Variants in FER observed in about 807,000 individuals in gnomAD.
FER encodes tyrosine-protein kinase Fer.
In FER, 63 loss-of-function variants were observed where a neutral mutation model predicts 111.0. The observed-to-expected ratio is 0.57, with a 90% CI of 0.46 to 0.70. The LOEUF (loss-of-function observed/expected upper bound fraction) is 0.70. Among genes scored for constraint, FER ranks in the 30% least tolerant of loss-of-function variants. The pLI, the probability that FER is intolerant of heterozygous loss-of-function variation, is 0.00. For synonymous variants in FER, 327 were observed against 313.9 expected, an observed-to-expected ratio of 1.04 and a Z score of -0.44; for missense variants, 914 against 954.0, an observed-to-expected ratio of 0.96 and a Z score of 0.55.
At chr5:109,034,855 AT>A (rs1770146360) in intron 13 of FER, among the ~76,000 whole-genome samples, 1 of 152,144 alleles carries the variant, frequency 6.6e-6, no homozygotes, top group African/African-American at 2.4e-5. Context: ...GAAGAATAAC[AT>A]TTGCTTATAT....
chr5:108,769,653 C>T (rs527835981), intron 2 of FER, among the ~76,000 whole-genome samples: 1 of 151,840 alleles, frequency 6.6e-6, no homozygotes, highest in South Asian at 2.1e-4. Flanking sequence ...TTTTTTTAGA[C>T]AGAACTCATA....
chr5:108,844,139 T>TGTGTGTGAACAC (rs1761625238), intron 5 of FER, among the ~76,000 whole-genome samples: 1 of 92,240 alleles, frequency 1.1e-5, no homozygotes, highest in African/African-American at 4.6e-5. Flanking sequence ...TGTGTGAACA[T>TGTGTGTGAACAC]ATATGTGTGT....
At chr5:108,754,393 T>C (rs1424892438) in intron 1 of FER, among the ~76,000 whole-genome samples, 1 of 127,498 alleles carries the variant, frequency 7.8e-6, no homozygotes, top group Admixed American at 9.3e-5. Context: ...GGCAACAGAG[T>C]GAGTCCCTGT....
chr5:109,069,570 T>C (rs1331202871), intron 16 of FER, among the ~76,000 whole-genome samples: 2 of 152,146 alleles, frequency 1.3e-5, no homozygotes, highest in Non-Finnish European at 2.9e-5. Context: ...GATAGATTTA[T>C]GAAGAGTTTA....
chr5:108,971,367 A>G (rs1760647990), intron 13 of FER, among the ~76,000 whole-genome samples: 1 of 152,014 alleles, frequency 6.6e-6, no homozygotes, highest in South Asian at 2.1e-4. Context: ...GAAATAGTAA[A>G]TAAAATACAG....
intron 13 of FER, among the ~76,000 whole-genome samples, chr5:109,034,855 A>G (rs1402335605): frequency 2.0e-5 from 3 of 152,144 alleles, no homozygotes; most frequent in South Asian, 2.1e-4. Context: ...GAAGAATAAC[A>G]TTTGCTTATA....
chr5:109,118,927 A>T (rs1582112044), intron 17 of FER, among the ~76,000 whole-genome samples: 1 of 144,950 alleles, frequency 6.9e-6, no homozygotes. Flanking sequence ...CGGTCTATCA[A>T]TTTTGTTGAT....
At chr5:108,776,780 C>T (rs1753546317) in intron 2 of FER, among the ~76,000 whole-genome samples, 1 of 152,134 alleles carries the variant, frequency 6.6e-6, no homozygotes, top group Admixed American at 6.6e-5. Context: ...AACATGTAAG[C>T]ACTCACTTAA....
At chr5:109,101,056 T>C (rs1748167586) in intron 17 of FER, among the ~76,000 whole-genome samples, 2 of 151,982 alleles carry the variant, frequency 1.3e-5, no homozygotes, top group Admixed American at 1.3e-4. Flanking sequence ...ATACTAGTTA[T>C]TTCAAAGGAG....
chr5:108,776,631 A>T (rs1023888203), intron 2 of FER, among the ~76,000 whole-genome samples: 3 of 152,158 alleles, frequency 2.0e-5, no homozygotes, highest in Non-Finnish European at 4.4e-5. Context: ...TTTGCTTTTT[A>T]ATAACTTCCA....
At chr5:109,099,602 T>A (rs546276979) in intron 16 of FER, among the ~76,000 whole-genome samples, 17 of 151,594 alleles carry the variant, frequency 1.1e-4, no homozygotes, top group South Asian at 6.2e-4. Context: ...AATTTTCATA[T>A]TGACATATGT....
intron 1 of FER, among the ~76,000 whole-genome samples, chr5:108,754,161 A>G (rs1750807181): frequency 6.6e-6 from 1 of 152,168 alleles, no homozygotes. Context: ...CTGTAATCAC[A>G]GTATTTTGGG....
intron 17 of FER, among the ~76,000 whole-genome samples, chr5:109,136,862 A>G (rs1752948857): frequency 1.3e-5 from 2 of 152,180 alleles, no homozygotes; most frequent in Admixed American, 6.6e-5. Flanking sequence ...TGGCATTTGT[A>G]TAAAACAAGT....
intron 16 of FER, among the ~76,000 whole-genome samples, chr5:109,075,136 C>G (rs1776172405): frequency 6.6e-6 from 1 of 152,162 alleles, no homozygotes; most frequent in South Asian, 2.1e-4. Flanking sequence ...CAACCCTTCT[C>G]TCATCTCTTG....
At chr5:109,016,280 C>G (rs540219307) in intron 13 of FER, among the ~76,000 whole-genome samples, 1 of 152,034 alleles carries the variant, frequency 6.6e-6, no homozygotes, top group East Asian at 1.9e-4. Flanking sequence ...ATTCTATAGG[C>G]TGATGATAAG....
At chr5:109,050,750 A>T (rs1195532521) in intron 16 of FER, among the ~76,000 whole-genome samples, 2 of 152,226 alleles carry the variant, frequency 1.3e-5, no homozygotes, top group Non-Finnish European at 2.9e-5. Flanking sequence ...AGAATAAAAA[A>T]ATATAGTAGC....
At chr5:109,035,487 C>T (rs1280010012) in intron 13 of FER, among the ~76,000 whole-genome samples, 3 of 152,012 alleles carry the variant, frequency 2.0e-5, no homozygotes, top group Admixed American at 6.6e-5. Context: ...TTTTTATTGC[C>T]GAATAGTCAG....
rs1006259396 is a variant in FER at position 109,196,424 on chromosome 5, T to C, written c.*8849T>C. 2.5e-4 allele frequency: 38 copies of C among 152,174 alleles called. No homozygotes were observed. Among genetic ancestry groups the C allele is most frequent in the African/African-American group, 8.9e-4 (37 of 41,450 alleles). The allele number at this position is 152,174 out of a possible 1,614,324, so 9.4% of individuals were successfully genotyped here. A position where few individuals can be genotyped will look rare whatever the true frequency, so the allele number is the denominator to read the frequency against. ...AATCATTTTTGTTGTTTTAAGATAA[T>C]GTATTTGTGAAGTGGATAAACACTG... On this transcript the variant is annotated 3_prime_UTR_variant, in exon 20 of 20. Transcript: ENST00000281092.
chr5:109,104,568 A>G (rs1384815733), intron 17 of FER, among the ~76,000 whole-genome samples: 1 of 152,134 alleles, frequency 6.6e-6, no homozygotes, highest in East Asian at 1.9e-4. Flanking sequence ...GAAGATTCCA[A>G]CTGAAGGAAA....
Sources: allele counts gnomAD v4.1 joint callset (sites outside exome capture counted in the v4.1 genomes callset), GRCh38; gene constraint gnomAD v4.1.1; transcripts MANE v1.5; gene names NCBI Gene and HGNC (gene_info 2026-07-23, HGNC 2026-07-21).